The following SVIL variants were observed in gnomAD, a reference collection of about 807,000 sequenced individuals.
SVIL encodes the protein supervillin.
A neutral mutation model predicts 240.4 loss-of-function variants in SVIL; 101 were observed. The ratio of observed to expected loss-of-function variants is 0.42; its 90% CI spans 0.36 to 0.50. The LOEUF (loss-of-function observed/expected upper bound fraction) is 0.50. SVIL is among the 20% of genes least tolerant of loss of function. The probability of loss-of-function intolerance (pLI) is 0.01; values close to 1 mark genes in which losing one functional copy is unlikely to be tolerated. For missense variants in SVIL, 2,512 were observed against 2,818.7 expected (o/e 0.89, Z 2.46); for synonymous variants, 999 against 1,100.0 (o/e 0.91, Z 1.82).
chr10:29,575,903 T>C (rs1321044981), intron 1 of SVIL, among the ~76,000 whole-genome samples: 2 of 152,178 alleles, frequency 1.3e-5, no homozygotes, highest in Admixed American at 6.5e-5. Context: ...ATTATAGTCA[T>C]TGAGGTCTAA....
intron 1 of SVIL, among the ~76,000 whole-genome samples, chr10:29,696,329 T>G (rs1961989643): frequency 6.6e-6 from 1 of 152,090 alleles, no homozygotes; most frequent in Non-Finnish European, 1.5e-5. Context: ...CCGCCTGCCT[T>G]GGCCCCCCAA....
At chr10:29,468,095 A>C (rs557238817) in intron 32 of SVIL, among the ~76,000 whole-genome samples, 2 of 152,330 alleles carry the variant, frequency 1.3e-5, no homozygotes, top group South Asian at 4.1e-4. Flanking sequence ...CCGGAAGAAG[A>C]AGCCCTGTAC....
chr10:29,612,444 T>C (rs929711786), intron 1 of SVIL, among the ~76,000 whole-genome samples: 2 of 152,060 alleles, frequency 1.3e-5, no homozygotes, highest in Non-Finnish European at 2.9e-5. Context: ...GGCTTTTTGG[T>C]GGGTTGGGTG....
chr10:29,552,584 T>C (rs1330785202), intron 5 of SVIL, among the ~76,000 whole-genome samples: 1 of 140,746 alleles, frequency 7.1e-6, no homozygotes, highest in Non-Finnish European at 1.6e-5. Flanking sequence ...AAAAAAAAAT[T>C]CCCATATTTG....
chr10:29,493,784 G>A (rs919071563), intron 20 of SVIL, among the ~76,000 whole-genome samples: 38 of 152,182 alleles, frequency 2.5e-4, no homozygotes, highest in African/African-American at 8.9e-4. Flanking sequence ...GGGTGACATG[G>A]GGCCTGTGTT....
intron 12 of SVIL, 33 bp downstream of exon 12, chr10:29,529,672 T>G: frequency 6.4e-7 from 1 of 1,561,482 alleles, no homozygotes; most frequent in South Asian, 1.2e-5. Context: ...AAAGACACTA[T>G]AGACAAGGCT....
chr10:29,691,064 A>G (rs1485093476), intron 1 of SVIL, among the ~76,000 whole-genome samples: 1 of 152,200 alleles, frequency 6.6e-6, no homozygotes, highest in Non-Finnish European at 1.5e-5. Context: ...GAAGAGTAAA[A>G]AGACTAAAAG....
intron 18 of SVIL, among the ~76,000 whole-genome samples, chr10:29,497,876 G>C (rs1457229704): frequency 6.6e-6 from 1 of 151,756 alleles, no homozygotes; most frequent in Non-Finnish European, 1.5e-5. Context: ...GAGGTCAGGA[G>C]TTCGAGACCA....
chr10:29,632,246 T>G (rs1355676550), intron 1 of SVIL, among the ~76,000 whole-genome samples: 2 of 152,110 alleles, frequency 1.3e-5, no homozygotes, highest in Non-Finnish European at 2.9e-5. Context: ...TCCCAGAACT[T>G]TGGGAGGCCG....
chr10:29,708,142 C>A (rs935572594), intron 1 of SVIL, among the ~76,000 whole-genome samples: 6 of 151,066 alleles, frequency 4.0e-5, no homozygotes, highest in Admixed American at 4.0e-4. Flanking sequence ...CCTGTAGTCC[C>A]AGCTACTCGG....
chr10:29,499,167 C>T lies in SVIL; in HGVS notation c.3613G>A (p.Ala1205Thr), dbSNP rs1475395038. The T allele has an allele frequency of 1.2e-6, 2 of 1,614,028 alleles. No individual in the cohort carries two copies. The highest frequency in any genetic ancestry group is 2.7e-5 in the African/African-American group (2 of 74,906). The part of the protein sequence containing the change: ...EEAWKTRGRG[A>T]ANDSTQFTVA... ...GTGAACTGGGTCGAGTCGTTGGCCGCTCCTCTGCCTCTCGTCTTCCAGGCC... is the reference window on the plus strand; with the variant it reads ...GTGAACTGGGTCGAGTCGTTGGCCGTTCCTCTGCCTCTCGTCTTCCAGGCC... The change falls in exon 18 of 38, where the codon GCG becomes ACG. Residue 1205 changes from alanine to threonine, a missense_variant. Around this residue, in one of 3 missense-constraint regions of SVIL, gnomAD observed 272 missense variants for 406.8 expected, o/e 0.67. Coordinates refer to ENST00000355867, the MANE Select transcript of SVIL (RefSeq NM_021738.3).
chr10:29,492,524 C>T (rs1034071092), intron 21 of SVIL, among the ~76,000 whole-genome samples: 1 of 151,972 alleles, frequency 6.6e-6, no homozygotes, highest in African/African-American at 2.4e-5. Flanking sequence ...AGTGGCTGAG[C>T]CGGCAAACCC....
At chr10:29,622,591 AC>A (rs1437635095) in intron 1 of SVIL, among the ~76,000 whole-genome samples, 5 of 152,178 alleles carry the variant, frequency 3.3e-5, no homozygotes, top group Non-Finnish European at 7.3e-5. Context: ...CTAATCATGC[AC>A]ATCACAGCCC....
intron 2 of SVIL, among the ~76,000 whole-genome samples, chr10:29,676,074 A>T (rs1256565658): frequency 6.6e-6 from 1 of 152,048 alleles, no homozygotes; most frequent in Admixed American, 6.6e-5. Flanking sequence ...CCAATTCCTC[A>T]TCCTTACCTC....
At chr10:29,676,383 T>C (rs1438022080) in intron 2 of SVIL, among the ~76,000 whole-genome samples, 4 of 152,014 alleles carry the variant, frequency 2.6e-5, no homozygotes, top group Admixed American at 2.6e-4. Context: ...AAAGAGTGTG[T>C]GTGTGTGTGT....
rs890148244 is a variant in SVIL, at chr10:29,524,418, C to T, written c.2586+54G>A. The T allele has an allele frequency of 4.0e-5, 65 of 1,605,742 alleles. No individual in the cohort carries two copies. In the Middle Eastern group the frequency reaches 6.1e-4, roughly 15 times the overall value. ...TTGACCTCAGAGGAATACTGCAGTG[C>T]TATAATTTAAGAACACACACACACA... On this transcript the variant is annotated intron_variant, in intron 14 of 37. Transcript: ENST00000355867.
intron 2 of SVIL, among the ~76,000 whole-genome samples, chr10:29,566,583 G>A (rs544681698): frequency 1.3e-5 from 2 of 152,230 alleles, no homozygotes; most frequent in Admixed American, 1.3e-4. Context: ...TTCTCTACCC[G>A]AGGGCACCGA....
chr10:29,512,773 G>A lies in SVIL; in HGVS notation c.3478C>T (p.Leu1160=). The A allele has an allele frequency of 6.2e-7, 1 of 1,613,870 alleles. No individual in the cohort carries two copies. Among genetic ancestry groups the A allele is most frequent in the Middle Eastern group, 1.7e-4 (1 of 5,808 alleles). ...GACCGCCCTGCTTCCTGGGTGTGCA[G>A]GCTGCTGGCCGGCGCCTTGCCGCCC... ...QEGGKAPASS[L]HTQEAGRSLI... Residue 1160 remains leucine, a synonymous_variant, in exon 17 of 38, where the codon CTG becomes TTG. Coordinates refer to ENST00000355867, the MANE Select transcript of SVIL (RefSeq NM_021738.3).
At chr10:29,714,967 A>AG (rs397969105) in intron 1 of SVIL, among the ~76,000 whole-genome samples, 5 of 147,494 alleles carry the variant, frequency 3.4e-5, no homozygotes, top group South Asian at 4.2e-4. Flanking sequence ...AAAAAAAAAA[A>AG]GAAGAAAAAG....
Sources: gnomAD v4.1 joint callset for allele counts (sites outside exome capture counted in the v4.1 genomes callset) on GRCh38, gnomAD v4.1.1 for gene constraint, gnomAD v4.1.1 regional missense constraint, MANE v1.5 for transcripts, NCBI Gene and HGNC (gene_info 2026-07-23, HGNC 2026-07-21) for gene names.